Variants in CD101 observed in about 807,000 individuals in gnomAD.
The protein encoded by CD101 is immunoglobulin superfamily member 2.
CD101 carries 76 observed loss-of-function variants against 98.2 expected under a neutral mutation model. The observed-to-expected ratio is 0.77, with a 90% CI of 0.64 to 0.94. The LOEUF is 0.94. CD101 is among the 40% of genes least tolerant of loss of function. The pLI, the probability that CD101 is intolerant of heterozygous loss-of-function variation, is 0.00. For missense variants in CD101, 1,145 were observed against 1,218.8 expected, an observed-to-expected ratio of 0.94 and a Z score of 0.90; for synonymous variants, 471 against 472.7, an observed-to-expected ratio of 1.00 and a Z score of 0.05.
rs757253381 is a variant in CD101, at chr1:117,018,300, C to A, written c.1757C>A (p.Ser586Tyr). 1.9e-6 allele frequency: 3 copies of A among 1,614,068 alleles called. No homozygotes were observed. Among genetic ancestry groups the A allele is most frequent in the Non-Finnish European group, 2.5e-6 (3 of 1,180,030 alleles). Residue 586 changes from serine to tyrosine, a missense_variant, in exon 6 of 10, where the codon TCT (serine) becomes TAT (tyrosine). Transcript: ENST00000682167. This position sits in a 1 kb window ranked among gnomAD's most constrained non-coding sequence, Gnocchi z 4.3. ...TVTWQFQPAS[S>Y]HIFHQLIRIT... is the part of the protein sequence containing the mutation. ...ACGTGGCAGTTCCAGCCAGCTAGCT[C>A]TCACATCTTCCACCAGCTTATTCGA...
chr1:117,023,891 A>T lies in CD101; in HGVS notation c.2429-1618A>T, dbSNP rs1415273276. Among the ~76,000 whole-genome samples, 1 of 152,200 alleles carries T rather than the reference A, an allele frequency of 6.6e-6. No individual in the cohort carries two copies. The highest frequency in any genetic ancestry group is 2.4e-5 in the African/African-American group (1 of 41,456). ...GGGATATTTTCTCTGAGGTTGGAAG[A>T]AAAGAAGTCAATTTCAAGGAGAAAT... On this transcript the variant is annotated intron_variant, in intron 7 of 9. Coordinates refer to ENST00000682167, the MANE Select transcript of CD101 (RefSeq NM_001256106.3). The surrounding 1 kb of genome is among the most constrained non-coding windows in gnomAD (Gnocchi z 4.4).
chr1:117,011,896 T>C lies in CD101; in HGVS notation c.771T>C (p.Asp257=), dbSNP rs756459283. The change falls in exon 3 of 10, where the codon GAT becomes GAC. Residue 257 remains aspartate, a synonymous_variant. Coordinates refer to ENST00000682167, the MANE Select transcript of CD101 (RefSeq NM_001256106.3). ...GTGAGGCAACGGAATGGATTCAGGA[T>C]CCAGATGAAACTTGGATGTTCATCA... ...LFCEATEWIQ[D]PDETWMFITK... 2.5e-6 allele frequency: 4 copies of C among 1,613,996 alleles called. No homozygotes were observed. In the South Asian group the frequency reaches 4.4e-5, roughly 18 times the overall value.
intron 8 of CD101, among the ~76,000 whole-genome samples, chr1:117,028,382 C>G (rs1411261156): frequency 3.3e-5 from 5 of 152,060 alleles, no homozygotes; most frequent in African/African-American, 1.2e-4. Context: ...ATTTACCAAG[C>G]AAGGTAATAT....
chr1:117,011,913 T>C lies in CD101; in HGVS notation c.788T>C (p.Met263Thr). The change falls in exon 3 of 10, where the codon ATG becomes ACG. Residue 263 changes from methionine (M) to threonine (T), a missense_variant. Physicochemically the swap from Met to Thr is moderately conservative, Grantham distance 81. Transcript: ENST00000682167. ...ATTCAGGATCCAGATGAAACTTGGA[T>C]GTTCATCACCAAAAAGCAGACCGAT... ...EWIQDPDETW[M>T]FITKKQTDQT... 6.2e-7 allele frequency: 1 copy of C among 1,614,112 alleles called. No homozygotes were observed. Among genetic ancestry groups the C allele is most frequent in the Non-Finnish European group, 8.5e-7 (1 of 1,180,016 alleles).
In CD101 at chr1:117,033,840, T is replaced by C; in HGVS notation, c.2825-20T>C. The C allele has an allele frequency of 6.2e-7, 1 of 1,613,738 alleles. No individual in the cohort carries two copies. Among genetic ancestry groups the C allele is most frequent in the Non-Finnish European group, 8.5e-7 (1 of 1,179,742 alleles). On this transcript the variant is annotated intron_variant, in intron 8 of 9. Coordinates refer to ENST00000682167, the MANE Select transcript of CD101 (RefSeq NM_001256106.3). This position sits in a 1 kb window ranked among gnomAD's most constrained non-coding sequence, Gnocchi z 4.8. ...ATAAGTTGGAGATGAATTACTCTCT[T>C]GTTTCTCCCTTCGTTGCAGAGCCCA...
rs1652790842 is a variant in CD101 at position 117,010,040 on chromosome 1, T to C, written c.234T>C (p.Ala78=). 6.2e-7 allele frequency: 1 copy of C among 1,614,220 alleles called. No homozygotes were observed. The highest frequency in any genetic ancestry group is 8.5e-7 in the Non-Finnish European group (1 of 1,180,034). ...QEVQIISTKD[A]AFSYAVYTQR... The stretch of plus-strand genomic sequence containing the variant: ...TCCAGATCATTAGCACCAAGGATGC[T>C]GCCTTCTCTTACGCAGTATATACGC... The change falls in exon 2 of 10, where the codon GCT becomes GCC. Residue 78 remains alanine, a synonymous_variant. Transcript: ENST00000682167. This position sits in a 1 kb window ranked among gnomAD's most constrained non-coding sequence, Gnocchi z 5.2.
At chr1:117,027,395 A>G (rs984836860) in intron 8 of CD101, among the ~76,000 whole-genome samples, 2 of 152,232 alleles carry the variant, frequency 1.3e-5, no homozygotes, top group East Asian at 1.9e-4. Context: ...AAGTATTTCC[A>G]GTAGACTAGG....
rs1179007005 is a variant in CD101, at chr1:117,023,547, G to T, written c.2428+1564G>T. Among the ~76,000 whole-genome samples the T allele has an allele frequency of 6.6e-6, 1 of 152,032 alleles. No individual in the cohort carries two copies. Among genetic ancestry groups the T allele is most frequent in the Non-Finnish European group, 1.5e-5 (1 of 68,014 alleles). Reference sequence around the variant, plus strand: ...TTCTCCTGCCTCAGCCTCCAGAGTAGCTGGGACTACAGGTGTGTGCCACCA... The same window carrying T: ...TTCTCCTGCCTCAGCCTCCAGAGTATCTGGGACTACAGGTGTGTGCCACCA... On this transcript the variant is annotated intron_variant, in intron 7 of 9. Coordinates refer to ENST00000682167, the MANE Select transcript of CD101 (RefSeq NM_001256106.3). This position sits in a 1 kb window ranked among gnomAD's most constrained non-coding sequence, Gnocchi z 4.4.
chr1:117,007,031 A>G (rs1557763777), intron 1 of CD101, among the ~76,000 whole-genome samples: 1 of 152,188 alleles, frequency 6.6e-6, no homozygotes. Flanking sequence ...CAAAAATAAC[A>G]TTGTTTGTAG....
intron 4 of CD101, among the ~76,000 whole-genome samples, chr1:117,014,819 A>G (rs909854181): frequency 6.6e-6 from 1 of 152,230 alleles, no homozygotes; most frequent in African/African-American, 2.4e-5. Context: ...AGGAATGAAG[A>G]TGCACCGATT....
intron 8 of CD101, among the ~76,000 whole-genome samples, chr1:117,029,204 A>AAGG (rs367830006): frequency 0.054 from 3,190 of 58,704 alleles, 595 homozygotes; most frequent in East Asian, 0.069. Flanking sequence ...AGAAAGAAAG[A>AAGG]AAAGAAAGAA....
Position 117,025,909 on chromosome 1 carries a change from C to A in CD101, c.2824+5C>A. The A allele has an allele frequency of 6.3e-7, 1 of 1,599,188 alleles. No individual in the cohort carries two copies. Among genetic ancestry groups the A allele is most frequent in the South Asian group, 1.1e-5 (1 of 89,702 alleles). Reference sequence around the variant, plus strand: ...TGCTCACGGTGCTGCCTTCAGGTAACCAGGGGTTTATCTACCGCGAGCTCA... The same window carrying A: ...TGCTCACGGTGCTGCCTTCAGGTAAACAGGGGTTTATCTACCGCGAGCTCA... On this transcript the variant is annotated splice_donor_5th_base_variant and intron_variant, in intron 8 of 9. Transcript: ENST00000682167.
Position 117,013,664 on chromosome 1 carries a change from T to C in CD101, c.1100T>C (p.Leu367Pro). The C allele has an allele frequency of 1.2e-6, 2 of 1,614,122 alleles. No individual in the cohort carries two copies. The highest frequency in any genetic ancestry group is 8.5e-7 in the Non-Finnish European group (1 of 1,180,022). ...GCTTTCTCTCTCAAGATCTTCTCTC[T>C]GGGCCCAGAGGATGAAGGCGCCTAC... Reference protein sequence around the residue: ...PKAFSLKIFSLGPEDEGAYRC... With the variant: ...PKAFSLKIFSPGPEDEGAYRC... The change falls in exon 4 of 10, where the codon CTG becomes CCG. Residue 367 changes from leucine to proline, a missense_variant. Leu to Pro is a moderately conservative substitution (Grantham distance 98). Transcript: ENST00000682167.
At chr1:117,029,325 GAA>G (rs762832332) in intron 8 of CD101, among the ~76,000 whole-genome samples, 46 of 152,100 alleles carry the variant, frequency 3.0e-4, no homozygotes, top group African/African-American at 2.4e-5. Flanking sequence ...AAGAAAGAAA[GAA>G]AGAAGGAATG....
chr1:117,025,833 G>A lies in CD101; in HGVS notation c.2753G>A (p.Gly918Glu). 1 of 1,614,100 alleles carries A rather than the reference G, an allele frequency of 6.2e-7. No homozygotes were observed. The highest frequency in any genetic ancestry group is 1.1e-5 in the South Asian group (1 of 91,064). ...AGGGTGGCAGAGTGGCAGCTCCATG[G>A]ACACCCAAGCAAGTGGATTAATCAA... ...WCRVAEWQLH[G>E]HPSKWINQAS... Residue 918 changes from glycine to glutamate, a missense_variant, in exon 8 of 10, where the codon GGA becomes GAA. By Grantham distance (98) the Gly-to-Glu change is moderately conservative (BLOSUM62 -2). Coordinates refer to ENST00000682167, the MANE Select transcript of CD101 (RefSeq NM_001256106.3).
rs1356849731 is a variant in CD101 at position 117,021,948 on chromosome 1, A to T, written c.2393A>T (p.Lys798Met). 1.2e-6 allele frequency: 2 copies of T among 1,612,430 alleles called. No individual in the cohort carries two copies. The highest frequency in any genetic ancestry group is 1.7e-6 in the Non-Finnish European group (2 of 1,179,454). ...NGTWHKLGEK[K>M]SGLTELKLKP... The stretch of plus-strand genomic sequence containing the variant: ...ACTTGGCACAAGCTTGGAGAAAAGA[A>T]GTCAGGACTAACAGAATTGAAACTC... Residue 798 changes from lysine (K) to methionine (M), a missense_variant, in exon 7 of 10, where the codon AAG (lysine) becomes ATG (methionine). By Grantham distance (95) the Lys-to-Met change is moderately conservative (BLOSUM62 -1). Coordinates refer to ENST00000682167, the MANE Select transcript of CD101 (RefSeq NM_001256106.3). This position sits in a 1 kb window ranked among gnomAD's most constrained non-coding sequence, Gnocchi z 4.7.
chr1:117,006,793 A>G lies in CD101; in HGVS notation c.44-3057A>G, dbSNP rs1652557677. Among the ~76,000 whole-genome samples the G allele has an allele frequency of 6.6e-6, 1 of 152,162 alleles. No individual in the cohort carries two copies. The highest frequency in any genetic ancestry group is 1.5e-5 in the Non-Finnish European group (1 of 68,036). ...TTCCATAGAGAGGTGACTACTATCC[A>G]CTTGATTGGATTATGAAATCCAGAA... On this transcript the variant is annotated intron_variant, in intron 1 of 9. Coordinates refer to ENST00000682167, the MANE Select transcript of CD101 (RefSeq NM_001256106.3). The surrounding 1 kb of genome is among the most constrained non-coding windows in gnomAD (Gnocchi z 4.4).
intron 8 of CD101, among the ~76,000 whole-genome samples, chr1:117,031,043 T>C (rs563754189): frequency 1.3e-5 from 2 of 152,318 alleles, no homozygotes; most frequent in East Asian, 3.9e-4. Context: ...ACCTTAATGG[T>C]TTGAATGTCA....
chr1:117,013,458 A>G lies in CD101; in HGVS notation c.894A>G (p.Lys298=). 6.2e-7 allele frequency: 1 copy of G among 1,611,160 alleles called. No individual in the cohort carries two copies. Among genetic ancestry groups the G allele is most frequent in the East Asian group, 2.2e-5 (1 of 44,814 alleles). The change falls in exon 4 of 10, where the codon AAA becomes AAG. Residue 298 remains lysine, a synonymous_variant. Transcript: ENST00000682167. ...CTGACAGCTTGTTTGCTGAAGGGAA[A>G]CCCTTAGAACTGGTTTGCCTGGTTG... ...ITADSLFAEG[K]PLELVCLVVS...
Sources: allele counts gnomAD v4.1 joint callset (sites outside exome capture counted in the v4.1 genomes callset), GRCh38; gene constraint gnomAD v4.1.1; non-coding constraint Gnocchi (gnomAD v3.1); transcripts MANE v1.5; gene names NCBI Gene and HGNC (gene_info 2026-07-23, HGNC 2026-07-21).